Variants in TAOK1 observed in about 807,000 individuals in gnomAD.
TAOK1 encodes the protein serine/threonine-protein kinase TAO1.
A neutral mutation model predicts 138.3 loss-of-function variants in TAOK1; 21 were observed. The ratio of observed to expected loss-of-function variants is 0.15; its 90% CI spans 0.11 to 0.22. The LOEUF is 0.22. TAOK1 is among the 10% of genes least tolerant of loss of function. The pLI is 1.00. For missense variants in TAOK1, 651 were observed against 1,227.7 expected, an observed-to-expected ratio of 0.53 and a Z score of 7.02; for synonymous variants, 361 against 398.4, an observed-to-expected ratio of 0.91 and a Z score of 1.12.
At chr17:29,414,801 C>T (rs1302594666) in intron 1 of TAOK1, among the ~76,000 whole-genome samples, 13 of 152,004 alleles carry the variant, frequency 8.6e-5, no homozygotes, top group East Asian at 1.9e-4. Flanking sequence ...TCAAGTGATC[C>T]GCCCGCCTTG....
chr17:29,398,168 C>T (rs1300929091), intron 1 of TAOK1, among the ~76,000 whole-genome samples: 1 of 152,016 alleles, frequency 6.6e-6, no homozygotes, highest in East Asian at 1.9e-4. Context: ...AGTACCAGGC[C>T]TGTGGTAACT....
intron 2 of TAOK1, among the ~76,000 whole-genome samples, chr17:29,458,251 A>AT (rs781026221): frequency 6.6e-6 from 1 of 152,172 alleles, no homozygotes; most frequent in Non-Finnish European, 1.5e-5. Context: ...ATGCACAGTT[A>AT]TTTTTTATGG....
At chr17:29,458,298 T>C (rs538346837) in intron 2 of TAOK1, among the ~76,000 whole-genome samples, 1 of 152,340 alleles carries the variant, frequency 6.6e-6, no homozygotes, top group South Asian at 2.1e-4. Context: ...GATGGGGTTA[T>C]TGAGTCATCA....
In TAOK1 at chr17:29,549,125, CAAATG is replaced by C. The variant is rs1259781229; in HGVS notation, c.*6111_*6115del. 1 of 152,126 alleles carries C rather than the reference CAAATG, an allele frequency of 6.6e-6. No homozygotes were observed. Among genetic ancestry groups the C allele is most frequent in the Non-Finnish European group, 1.5e-5 (1 of 68,014 alleles). 9.4% of individuals were successfully genotyped at this position (152,126 alleles called of 1,614,324 possible). The stretch of plus-strand genomic sequence containing the variant: ...TTATTGGGCTCTTTAACTGAATTTT[CAAATG>C]AAATGAACTATGCTTATTGCTGGCA... On this transcript the variant is annotated 3_prime_UTR_variant, in exon 20 of 20. Transcript: ENST00000261716.
intron 1 of TAOK1, among the ~76,000 whole-genome samples, chr17:29,400,538 T>C (rs1251991483): frequency 6.6e-6 from 1 of 152,296 alleles, no homozygotes; most frequent in Admixed American, 6.6e-5. Context: ...CATGCTCTTC[T>C]ACGCATTTTT....
chr17:29,471,193 T>A (rs1249571008), intron 3 of TAOK1, among the ~76,000 whole-genome samples: 3 of 151,488 alleles, frequency 2.0e-5, no homozygotes, highest in Non-Finnish European at 4.4e-5. Context: ...TGCTATACTG[T>A]AGTACCGTAG....
At chr17:29,398,469 G>C (rs554783095) in intron 1 of TAOK1, among the ~76,000 whole-genome samples, 1 of 152,026 alleles carries the variant, frequency 6.6e-6, no homozygotes, top group African/African-American at 2.4e-5. Flanking sequence ...GCCTCCCAAA[G>C]TGTTGGGATT....
In TAOK1 at chr17:29,394,150, G is replaced by GTTTTTTTTTTTTTTTTTTTTTT. The variant is rs58117433; in HGVS notation, c.-95+3138_-95+3159dup. On this transcript the variant is annotated intron_variant, in intron 1 of 19. Transcript: ENST00000261716. Reference sequence around the variant, plus strand: ...TATGATTTATTTTAATAATTTGCCAGTTTTTTTTTTTTTTTTTTTTTTTTT... The same window carrying GTTTTTTTTTTTTTTTTTTTTTT: ...TATGATTTATTTTAATAATTTGCCAGTTTTTTTTTTTTTTTTTTTTTTTTTTTTTTTTTTTTTTTTTTTTTTT... Among the ~76,000 whole-genome samples, 4 of 48,278 alleles carry GTTTTTTTTTTTTTTTTTTTTTT rather than the reference G, an allele frequency of 8.3e-5. 2 individuals carry two copies. Among genetic ancestry groups the GTTTTTTTTTTTTTTTTTTTTTT allele is most frequent in the Non-Finnish European group, 1.4e-4 (4 of 27,592 alleles). The allele number at this position is 48,278 out of a possible 152,430, so 31.7% of individuals were successfully genotyped here. A position where few individuals can be genotyped will look rare whatever the true frequency, so the allele number is the denominator to read the frequency against.
chr17:29,499,229 C>CTT (rs57906502), intron 12 of TAOK1, among the ~76,000 whole-genome samples: 23 of 123,180 alleles, frequency 1.9e-4, no homozygotes, highest in Admixed American at 6.8e-4. Flanking sequence ...ATGTTTATAT[C>CTT]TTTTTTTTTT....
At chr17:29,513,562 T>G (rs1423706930) in intron 15 of TAOK1, 3 of 152,216 alleles carry the variant, frequency 2.0e-5, no homozygotes, top group African/African-American at 7.2e-5. Context: ...GTATTTGTGT[T>G]CATTTAGAAT....
At chr17:29,469,566 G>GT (rs1876470466) in intron 3 of TAOK1, among the ~76,000 whole-genome samples, 1 of 152,134 alleles carries the variant, frequency 6.6e-6, no homozygotes, top group Admixed American at 6.5e-5. Context: ...GGATTTGTCT[G>GT]TTTGTGACTA....
At position 29,550,618 on chromosome 17, in the gene TAOK1, G is replaced by A. The variant is rs866517764; in HGVS notation, c.*7596G>A. On this transcript the variant is annotated 3_prime_UTR_variant, in exon 20 of 20. Coordinates refer to ENST00000261716, the MANE Select transcript of TAOK1 (RefSeq NM_020791.4). ...TAAAAACAAACTTGAGATTTTTAAC[G>A]TAACTATTAACACAGTTTTAACATA... 2.0e-5 allele frequency: 3 copies of A among 152,120 alleles called. No homozygotes were observed. Among genetic ancestry groups the A allele is most frequent in the African/African-American group, 2.4e-5 (1 of 41,424 alleles). The allele number at this position is 152,120 out of a possible 1,614,324, so 9.4% of individuals were successfully genotyped here. A position where few individuals can be genotyped will look rare whatever the true frequency, so the allele number is the denominator to read the frequency against.
chr17:29,471,517 T>C (rs2030818385), intron 3 of TAOK1, among the ~76,000 whole-genome samples: 3 of 151,628 alleles, frequency 2.0e-5, no homozygotes, highest in African/African-American at 7.3e-5. Flanking sequence ...GACCTCGTGA[T>C]CCCCCCACCT....
intron 3 of TAOK1, among the ~76,000 whole-genome samples, chr17:29,469,252 T>C (rs2030756610): frequency 6.7e-6 from 1 of 149,674 alleles, no homozygotes; most frequent in Non-Finnish European, 1.5e-5. Context: ...AAAATATTTA[T>C]AAATGAAAAA....
At chr17:29,523,345 C>G (rs1401678968) in intron 17 of TAOK1, among the ~76,000 whole-genome samples, 2 of 150,986 alleles carry the variant, frequency 1.3e-5, no homozygotes, top group Non-Finnish European at 2.9e-5. Context: ...TGGTCCATCT[C>G]CCTCCATCAA....
At chr17:29,394,982 C>T (rs868184243) in intron 1 of TAOK1, among the ~76,000 whole-genome samples, 5 of 151,908 alleles carry the variant, frequency 3.3e-5, no homozygotes, top group African/African-American at 1.2e-4. Flanking sequence ...GTGGTTTATG[C>T]CTATAATCCC....
chr17:29,477,765 C>A, intron 5 of TAOK1, 59 bp downstream of exon 5: 2 of 1,105,274 alleles, frequency 1.8e-6, no homozygotes, highest in South Asian at 2.6e-5. Context: ...ATAATTTAGA[C>A]ATTATTTAAA....
intron 8 of TAOK1, among the ~76,000 whole-genome samples, chr17:29,484,590 T>C (rs2031128977): frequency 6.6e-6 from 1 of 152,118 alleles, no homozygotes; most frequent in Non-Finnish European, 1.5e-5. Flanking sequence ...TTTCGTTTTT[T>C]TTCTTTTCTT....
At chr17:29,437,304 C>T (rs929444507) in intron 1 of TAOK1, among the ~76,000 whole-genome samples, 9 of 151,674 alleles carry the variant, frequency 5.9e-5, no homozygotes. Context: ...CATTGTGATC[C>T]GCCTGCCTTG....
Sources: allele counts gnomAD v4.1 joint callset (sites outside exome capture counted in the v4.1 genomes callset), GRCh38; gene constraint gnomAD v4.1.1; transcripts MANE v1.5; gene names NCBI Gene and HGNC (gene_info 2026-07-23, HGNC 2026-07-21).